Variants in DLGAP2 observed in about 807,000 individuals in gnomAD.
DLGAP2 encodes the protein DLG associated protein 2, also known as disks large-associated protein 2.
In DLGAP2, 26 loss-of-function variants were observed where a neutral mutation model predicts 100.3. The observed-to-expected ratio is 0.26, with a 90% CI of 0.19 to 0.36. The LOEUF (loss-of-function observed/expected upper bound fraction) is 0.36. Ranked by LOEUF, DLGAP2 falls within the 10% of genes least tolerant of loss-of-function variation. The probability of loss-of-function intolerance (pLI) is 1.00; values close to 1 mark genes in which losing one functional copy is unlikely to be tolerated. For synonymous variants in DLGAP2, 886 were observed against 630.1 expected, an observed-to-expected ratio of 1.41 and a Z score of -6.08; for missense variants, 1,858 against 1,453.2, an observed-to-expected ratio of 1.28 and a Z score of -4.53.
chr8:985,840 C>G (rs1447996754), intron 2 of DLGAP2, among the ~76,000 whole-genome samples: 1 of 152,192 alleles, frequency 6.6e-6, no homozygotes, highest in Admixed American at 6.5e-5. Flanking sequence ...ACCACAGGCA[C>G]AGGAGCTGCC....
intron 2 of DLGAP2, among the ~76,000 whole-genome samples, chr8:917,079 C>A (rs1041034937): frequency 1.3e-5 from 2 of 152,178 alleles, no homozygotes; most frequent in African/African-American, 4.8e-5. Flanking sequence ...TGTCCTGCTT[C>A]AAAGTAAAAC....
chr8:1,214,332 C>T (rs546249061), intron 2 of DLGAP2, among the ~76,000 whole-genome samples: 1 of 152,350 alleles, frequency 6.6e-6, no homozygotes, highest in South Asian at 2.1e-4. Flanking sequence ...CTCAGGTGAT[C>T]GTTTTTCCGT....
chr8:911,045 G>T (rs1177821142), intron 2 of DLGAP2, among the ~76,000 whole-genome samples: 1 of 152,096 alleles, frequency 6.6e-6, no homozygotes, highest in Non-Finnish European at 1.5e-5. Context: ...TTTAAGGAGT[G>T]ACTTCTTCAC....
intron 3 of DLGAP2, among the ~76,000 whole-genome samples, chr8:1,449,023 G>A (rs904002877): frequency 6.6e-6 from 1 of 152,222 alleles, no homozygotes; most frequent in Non-Finnish European, 1.5e-5. Flanking sequence ...GGCTGTGATG[G>A]GGAGGCTCAG....
chr8:1,627,724 AG>A (rs1797541130), intron 7 of DLGAP2, among the ~76,000 whole-genome samples: 1 of 152,166 alleles, frequency 6.6e-6, no homozygotes, highest in South Asian at 2.1e-4. Flanking sequence ...CTTACTGTGG[AG>A]TAGGGATTAA....
At chr8:1,622,270 C>T (rs906376101) in intron 6 of DLGAP2, 2 of 152,190 alleles carry the variant, frequency 1.3e-5, no homozygotes, top group Non-Finnish European at 2.9e-5. Flanking sequence ...AGAAGATGAT[C>T]TCTGTATTTC....
intron 3 of DLGAP2, among the ~76,000 whole-genome samples, chr8:1,274,187 G>T (rs908493145): frequency 2.0e-5 from 3 of 151,432 alleles, no homozygotes; most frequent in Non-Finnish European, 4.4e-5. Context: ...AATAAATTAT[G>T]TATTTATATT....
intron 2 of DLGAP2, among the ~76,000 whole-genome samples, chr8:1,229,384 A>G (rs1217645531): frequency 6.6e-6 from 1 of 151,880 alleles, no homozygotes; most frequent in Non-Finnish European, 1.5e-5. Flanking sequence ...GATTTTTATT[A>G]CCAATTCAGT....
intron 3 of DLGAP2, among the ~76,000 whole-genome samples, chr8:1,313,399 C>T (rs183229860): frequency 1.4e-4 from 22 of 152,186 alleles, no homozygotes; most frequent in African/African-American, 5.1e-4. Flanking sequence ...TTCAGAGAAC[C>T]CTCCGGTTGT....
intron 2 of DLGAP2, among the ~76,000 whole-genome samples, chr8:978,773 C>T (rs1312556072): frequency 6.6e-6 from 1 of 152,050 alleles, no homozygotes; most frequent in Non-Finnish European, 1.5e-5. Context: ...TGGGATTTTC[C>T]CCAGAAGTGA....
At chr8:1,613,750 C>T (rs773385782) in intron 6 of DLGAP2, among the ~76,000 whole-genome samples, 3 of 152,142 alleles carry the variant, frequency 2.0e-5, no homozygotes, top group Non-Finnish European at 4.4e-5. Flanking sequence ...CTGTTCTGTA[C>T]TGCTTCGGAC....
chr8:1,158,461 T>C (rs1463537651), intron 2 of DLGAP2, among the ~76,000 whole-genome samples: 1 of 152,270 alleles, frequency 6.6e-6, no homozygotes, highest in African/African-American at 2.4e-5. Flanking sequence ...TTAGTGTCAC[T>C]ATACCTTGGA....
intron 3 of DLGAP2, among the ~76,000 whole-genome samples, chr8:1,392,734 G>T (rs1054663892): frequency 6.6e-6 from 1 of 152,170 alleles, no homozygotes; most frequent in South Asian, 2.1e-4. Flanking sequence ...CCAGACCTTT[G>T]CCAGGTGATG....
At chr8:1,273,703 G>T (rs1305479685) in intron 3 of DLGAP2, among the ~76,000 whole-genome samples, 1 of 152,238 alleles carries the variant, frequency 6.6e-6, no homozygotes, top group South Asian at 2.1e-4. Flanking sequence ...TCCAGCCCAT[G>T]TGGTACCTCT....
intron 2 of DLGAP2, among the ~76,000 whole-genome samples, chr8:988,403 C>G (rs1012824798): frequency 6.6e-6 from 1 of 152,190 alleles, no homozygotes; most frequent in South Asian, 2.1e-4. Flanking sequence ...AACACTCAGC[C>G]TTAAATTCTC....
chr8:1,337,097 G>T (rs570995339), intron 3 of DLGAP2, among the ~76,000 whole-genome samples: 10 of 152,080 alleles, frequency 6.6e-5, no homozygotes, highest in Admixed American at 3.3e-4. Flanking sequence ...GGAGGAGGAG[G>T]TGAAGAAGAA....
At chr8:756,086 C>T (rs913700525) in intron 1 of DLGAP2, among the ~76,000 whole-genome samples, 12 of 152,184 alleles carry the variant, frequency 7.9e-5, no homozygotes, top group African/African-American at 2.7e-4. Context: ...GTCATGTTAG[C>T]GGCTTTTTTT....
In DLGAP2 at chr8:1,317,198, C is replaced by G. The variant is rs1298163126; in HGVS notation, c.106+58315C>G. Among the ~76,000 whole-genome samples the G allele has an allele frequency of 3.9e-4, 51 of 131,302 alleles. 1 individual carries two copies. Among genetic ancestry groups the G allele is most frequent in the Admixed American group, 2.4e-4 (3 of 12,518 alleles). 86.1% of individuals were successfully genotyped at this position (131,302 alleles called of 152,430 possible). On this transcript the variant is annotated intron_variant, in intron 3 of 14. Coordinates refer to ENST00000637795, the MANE Select transcript of DLGAP2 (RefSeq NM_001346810.2). ...GAGCGTGTGTGAGTGCAGCGTCTCT[C>G]CAACAGTGGTCTACACTCGAGACAC...
At chr8:1,624,388 A>G (rs1797435634) in intron 6 of DLGAP2, among the ~76,000 whole-genome samples, 1 of 152,038 alleles carries the variant, frequency 6.6e-6, no homozygotes, top group Admixed American at 6.6e-5. Flanking sequence ...CTGAGGCCAC[A>G]CTGCTCGGGC....
Sources: gnomAD v4.1 joint callset for allele counts (sites outside exome capture counted in the v4.1 genomes callset) on GRCh38, gnomAD v4.1.1 for gene constraint, MANE v1.5 for transcripts, NCBI Gene and HGNC (gene_info 2026-07-23, HGNC 2026-07-21) for gene names.